Variants in PARP8 observed in about 807,000 individuals in gnomAD.
PARP8 encodes the protein protein mono-ADP-ribosyltransferase PARP8.
Under a neutral mutation model 124.1 loss-of-function variants are expected in PARP8, and 51 were observed. The observed-to-expected ratio is 0.41, with a 90% CI of 0.33 to 0.52. The LOEUF (loss-of-function observed/expected upper bound fraction) is 0.52, where lower values mean the gene tolerates loss of function less well. Ranked by LOEUF, PARP8 falls within the 20% of genes least tolerant of loss-of-function variation. The pLI is 0.21. For missense variants in PARP8, 860 were observed against 1,018.9 expected (o/e 0.84, Z 2.12); for synonymous variants, 391 against 361.5 (o/e 1.08, Z -0.93).
At position 50,819,991 on chromosome 5, in the gene PARP8, A is replaced by T. The variant is rs575181909; in HGVS notation, c.1669-1222A>T. ...CATGTATTTACATACACACACACAAATGAAATAGTGTGTCAGGAACATTAG... is the reference window on the plus strand; with the variant it reads ...CATGTATTTACATACACACACACAATTGAAATAGTGTGTCAGGAACATTAG... On this transcript the variant is annotated intron_variant, in intron 15 of 25. Transcript: ENST00000281631. 2.0e-4 allele frequency among the ~76,000 whole-genome samples: 30 copies of T among 152,294 alleles called. 1 individual carries two copies. The South Asian group carries it at 2.1e-3, about 11-fold the overall frequency.
At chr5:50,821,402 T>C in intron 16 of PARP8, 64 bp downstream of exon 16, 2 of 1,548,138 alleles carry the variant, frequency 1.3e-6, no homozygotes, top group Non-Finnish European at 1.8e-6. Flanking sequence ...AATATTGAGA[T>C]TGTAGTCTCA....
At position 50,750,157 on chromosome 5, in the gene PARP8, C is replaced by G. The variant is rs371593870; in HGVS notation, c.153C>G (p.Ser51=). ...TGTTTGTTTGTTTTAACAGTGTATC[C>G]TACTCAGTACATGTATCTGAAGATT... ...FTYVGGPRSV[S]YSVHVSEDYP... is the part of the protein sequence containing the mutation. The change falls in exon 3 of 26, where the codon TCC becomes TCG. Residue 51 remains serine (S), a synonymous_variant. Coordinates refer to ENST00000281631, the MANE Select transcript of PARP8 (RefSeq NM_024615.4). 2.5e-6 allele frequency: 4 copies of G among 1,587,910 alleles called. No homozygotes were observed. The highest frequency in any genetic ancestry group is 3.5e-6 in the Non-Finnish European group (4 of 1,157,756).
chr5:50,678,859 A>G (rs1247507038), intron 2 of PARP8, among the ~76,000 whole-genome samples: 1 of 152,180 alleles, frequency 6.6e-6, no homozygotes. Context: ...GACAGAAGTC[A>G]GTGTTTGTTA....
intron 14 of PARP8, among the ~76,000 whole-genome samples, chr5:50,798,673 C>T (rs1271202392): frequency 6.6e-6 from 1 of 152,110 alleles, no homozygotes; most frequent in Non-Finnish European, 1.5e-5. Context: ...TCACCAGCCT[C>T]GGCCTCCCAA....
At chr5:50,726,123 T>A (rs185986964) in intron 2 of PARP8, among the ~76,000 whole-genome samples, 71 of 152,182 alleles carry the variant, frequency 4.7e-4, no homozygotes, top group African/African-American at 1.2e-3. Flanking sequence ...ATTTTTTTTT[T>A]AAATTTTTTA....
intron 2 of PARP8, among the ~76,000 whole-genome samples, chr5:50,683,911 A>T (rs1251227339): frequency 3.3e-5 from 5 of 152,198 alleles, no homozygotes; most frequent in Non-Finnish European, 5.9e-5. Flanking sequence ...TCTTAGCACT[A>T]AAGAAGCATA....
intron 22 of PARP8, among the ~76,000 whole-genome samples, chr5:50,830,729 T>C (rs1292924596): frequency 5.3e-5 from 8 of 152,218 alleles, no homozygotes; most frequent in African/African-American, 9.6e-5. Flanking sequence ...TTACTACAGC[T>C]TCAGTGTTCT....
intron 3 of PARP8, 95 bp downstream of exon 3, chr5:50,750,283 G>A (rs754546686): frequency 3.3e-4 from 339 of 1,036,472 alleles, no homozygotes; most frequent in Non-Finnish European, 4.7e-4. Context: ...AATATATTGA[G>A]GGGTGAAACA....
At chr5:50,782,630 A>G (rs1740797301) in intron 9 of PARP8, among the ~76,000 whole-genome samples, 1 of 152,196 alleles carries the variant, frequency 6.6e-6, no homozygotes, top group South Asian at 2.1e-4. Context: ...CTGTCACAGA[A>G]TACCATTATT....
At chr5:50,792,602 T>C (rs572967362) in intron 10 of PARP8, among the ~76,000 whole-genome samples, 2 of 152,210 alleles carry the variant, frequency 1.3e-5, no homozygotes, top group South Asian at 4.1e-4. Flanking sequence ...CAAAGGGTTG[T>C]GTCAGTGGAA....
chr5:50,687,641 G>C (rs1319855364), intron 2 of PARP8, among the ~76,000 whole-genome samples: 1 of 152,180 alleles, frequency 6.6e-6, no homozygotes, highest in Non-Finnish European at 1.5e-5. Context: ...ACAGTTTCAC[G>C]TGGCTAGGGA....
intron 3 of PARP8, among the ~76,000 whole-genome samples, 160 bp downstream of exon 3, chr5:50,750,348 A>G (rs1228763295): frequency 2.6e-5 from 4 of 152,110 alleles, no homozygotes; most frequent in African/African-American, 9.7e-5. Context: ...CCTGCAAAGT[A>G]CATGTCTTAC....
intron 2 of PARP8, among the ~76,000 whole-genome samples, chr5:50,695,511 T>C (rs1752930421): frequency 6.6e-6 from 1 of 152,238 alleles, no homozygotes. Context: ...TAATGTGCAC[T>C]AATTAATGAT....
chr5:50,820,125 T>G (rs1463197360), intron 15 of PARP8, among the ~76,000 whole-genome samples: 2 of 152,182 alleles, frequency 1.3e-5, no homozygotes, highest in Non-Finnish European at 2.9e-5. Flanking sequence ...TTTAGGTCAC[T>G]GGAAATTCTG....
chr5:50,705,281 G>C (rs1190631875), intron 2 of PARP8, among the ~76,000 whole-genome samples: 2 of 152,168 alleles, frequency 1.3e-5, no homozygotes, highest in African/African-American at 4.8e-5. Flanking sequence ...GCTCTGCTAT[G>C]AAGAAAAGAG....
intron 2 of PARP8, among the ~76,000 whole-genome samples, chr5:50,696,990 C>CG (rs954257279): frequency 6.6e-6 from 1 of 152,044 alleles, no homozygotes; most frequent in Non-Finnish European, 1.5e-5. Flanking sequence ...GAGTCTGTGC[C>CG]GGGCGGGGTG....
intron 7 of PARP8, among the ~76,000 whole-genome samples, chr5:50,775,233 C>T (rs1289853113): frequency 2.0e-5 from 3 of 152,260 alleles, no homozygotes; most frequent in East Asian, 1.9e-4. Context: ...TGTAGTGAGC[C>T]GAGATCACGC....
At chr5:50,818,779 C>T (rs1440468679) in intron 15 of PARP8, among the ~76,000 whole-genome samples, 1 of 152,160 alleles carries the variant, frequency 6.6e-6, no homozygotes, top group African/African-American at 2.4e-5. Context: ...TGTTTTTCTT[C>T]TTAAAAAGTC....
At chr5:50,787,487 A>G (rs1741394193) in intron 9 of PARP8, among the ~76,000 whole-genome samples, 1 of 152,150 alleles carries the variant, frequency 6.6e-6, no homozygotes, top group African/African-American at 2.4e-5. Context: ...CTCAGCCCAC[A>G]TAGCCTGCAG....
Sources: gnomAD v4.1 joint callset for allele counts (sites outside exome capture counted in the v4.1 genomes callset) on GRCh38, gnomAD v4.1.1 for gene constraint, MANE v1.5 for transcripts, NCBI Gene and HGNC (gene_info 2026-07-23, HGNC 2026-07-21) for gene names.